Variants in ARHGAP32 observed in about 807,000 individuals in gnomAD.
ARHGAP32 encodes the protein Rho GTPase activating protein 32.
In ARHGAP32, 51 loss-of-function variants were observed where a neutral mutation model predicts 186.5. The observed-to-expected ratio is 0.27, with a 90% CI of 0.22 to 0.35. The LOEUF (loss-of-function observed/expected upper bound fraction) is 0.35. ARHGAP32 is among the 10% of genes least tolerant of loss of function. The pLI, the probability that ARHGAP32 is intolerant of heterozygous loss-of-function variation, is 1.00. For missense variants in ARHGAP32, 2,186 were observed against 2,623.5 expected (o/e 0.83, Z 3.64); for synonymous variants, 950 against 964.3 (o/e 0.99, Z 0.27).
chr11:129,271,729 AG>A (rs975447973), intron 1 of ARHGAP32, among the ~76,000 whole-genome samples: 2 of 152,218 alleles, frequency 1.3e-5, no homozygotes, highest in Admixed American at 1.3e-4. Context: ...AAAAGCATAT[AG>A]AAAATGAGAA....
intron 1 of ARHGAP32, among the ~76,000 whole-genome samples, chr11:129,228,808 G>C (rs368461289): frequency 1.3e-5 from 2 of 152,078 alleles, no homozygotes; most frequent in East Asian, 1.9e-4. Context: ...CATGGCATAC[G>C]TTTACCTACA....
rs913323436 is a variant in ARHGAP32 at position 128,967,287 on chromosome 11, C to T, written c.*1620G>A. 6.6e-6 allele frequency: 1 copy of T among 152,164 alleles called. No individual in the cohort carries two copies. Among genetic ancestry groups the T allele is most frequent in the Non-Finnish European group, 1.5e-5 (1 of 68,036 alleles). 9.4% of individuals were successfully genotyped at this position (152,164 alleles called of 1,614,324 possible). A position where few individuals can be genotyped will look rare whatever the true frequency, so the allele number is the denominator to read the frequency against. On this transcript the variant is annotated 3_prime_UTR_variant, in exon 23 of 23. Transcript: ENST00000682385. The stretch of plus-strand genomic sequence containing the variant: ...ATGATTTTAGCCTCTTAAAAGATTT[C>T]CTCCTTTGCTCTAAATAAAAATTAA...
At chr11:129,190,520 G>A (rs1944249877) in intron 1 of ARHGAP32, among the ~76,000 whole-genome samples, 1 of 152,188 alleles carries the variant, frequency 6.6e-6, no homozygotes, top group Non-Finnish European at 1.5e-5. Flanking sequence ...TTCTCAGAGT[G>A]AAAATGCTGT....
chr11:128,974,471 A>G lies in ARHGAP32; in HGVS notation c.2726T>C (p.Ile909Thr). The G allele has an allele frequency of 6.2e-7, 1 of 1,614,204 alleles. No homozygotes were observed. Among genetic ancestry groups the G allele is most frequent in the African/African-American group, 1.3e-5 (1 of 75,044 alleles). Residue 909 changes from isoleucine to threonine, a missense_variant, in exon 21 of 23, where the codon ATA becomes ACA. Physicochemically the swap from Ile to Thr is moderately conservative, Grantham distance 89. Coordinates refer to ENST00000682385, the MANE Select transcript of ARHGAP32 (RefSeq NM_001378024.1). ...AGGTGATTTGCTTAATTTCCGTCCT[A>G]TCTTCGGAGAGAAAGCATAGACGAC... Reference protein sequence around the residue: ...EKVVYAFSPKIGRKLSKSPSM... With the variant: ...EKVVYAFSPKTGRKLSKSPSM...
chr11:129,163,568 C>A (rs1215313440), intron 2 of ARHGAP32, among the ~76,000 whole-genome samples: 7 of 152,086 alleles, frequency 4.6e-5, no homozygotes. Context: ...TCATTGACAA[C>A]AGCTGTCTTT....
At chr11:129,125,577 C>T (rs140355222) in intron 2 of ARHGAP32, among the ~76,000 whole-genome samples, 143 of 151,742 alleles carry the variant, frequency 9.4e-4, no homozygotes, top group African/African-American at 3.3e-3. Flanking sequence ...TCAATAGGGG[C>T]GAATAATGTG....
chr11:129,015,682 T>C (rs780464130), intron 11 of ARHGAP32, among the ~76,000 whole-genome samples: 1 of 152,220 alleles, frequency 6.6e-6, no homozygotes, highest in Non-Finnish European at 1.5e-5. Flanking sequence ...AATGGAATCA[T>C]CTGATATCAA....
chr11:129,210,965 C>A (rs139166771), intron 1 of ARHGAP32, among the ~76,000 whole-genome samples: 16 of 152,286 alleles, frequency 1.1e-4, no homozygotes, highest in Admixed American at 9.8e-4. Context: ...ATTCATGCCA[C>A]TCTGTTGCTA....
At position 129,192,066 on chromosome 11, in the gene ARHGAP32, G is replaced by A. The variant is rs1944281734; in HGVS notation, c.116+17C>T. On this transcript the variant is annotated intron_variant, in intron 1 of 22. Coordinates refer to ENST00000682385, the MANE Select transcript of ARHGAP32 (RefSeq NM_001378024.1). The stretch of plus-strand genomic sequence containing the variant: ...AGGGAGTGGACAGGACAAAGGAACT[G>A]TGAATTCCATAATCACCTGAACTTC... The A allele has an allele frequency of 6.3e-7, 1 of 1,585,120 alleles. No individual in the cohort carries two copies. Among genetic ancestry groups the A allele is most frequent in the African/African-American group, 1.3e-5 (1 of 74,462 alleles).
chr11:129,221,695 G>C (rs949374698), intron 1 of ARHGAP32, among the ~76,000 whole-genome samples: 2 of 151,870 alleles, frequency 1.3e-5, no homozygotes, highest in Non-Finnish European at 2.9e-5. Flanking sequence ...CTTTCCGGAG[G>C]AGAGCCTCAA....
chr11:129,126,835 T>G (rs920388152), intron 2 of ARHGAP32, among the ~76,000 whole-genome samples: 38 of 152,118 alleles, frequency 2.5e-4, no homozygotes, highest in African/African-American at 8.9e-4. Flanking sequence ...GATCACCTGG[T>G]TTTGCCATTA....
chr11:129,129,061 G>A (rs1186753398), intron 2 of ARHGAP32, among the ~76,000 whole-genome samples: 2 of 152,010 alleles, frequency 1.3e-5, no homozygotes, highest in African/African-American at 4.8e-5. Flanking sequence ...GGGATGTGGG[G>A]AGCGCCTCTG....
chr11:129,152,418 A>G (rs1268374063), intron 2 of ARHGAP32, among the ~76,000 whole-genome samples: 1 of 152,136 alleles, frequency 6.6e-6, no homozygotes, highest in Non-Finnish European at 1.5e-5. Flanking sequence ...CAAAACCAGG[A>G]AAGGACATAA....
At chr11:129,190,244 C>A (rs899794110) in intron 1 of ARHGAP32, among the ~76,000 whole-genome samples, 9 of 152,218 alleles carry the variant, frequency 5.9e-5, no homozygotes, top group African/African-American at 2.2e-4. Flanking sequence ...TCCTGTAGGG[C>A]ATCTCGGCAG....
intron 1 of ARHGAP32, among the ~76,000 whole-genome samples, chr11:129,260,881 T>C (rs1280252575): frequency 6.6e-6 from 1 of 152,122 alleles, no homozygotes; most frequent in African/African-American, 2.4e-5. Context: ...AACTCCTACA[T>C]GAACACAAAC....
intron 1 of ARHGAP32, among the ~76,000 whole-genome samples, chr11:129,182,787 G>T (rs1038272390): frequency 2.0e-5 from 3 of 151,780 alleles, no homozygotes; most frequent in Non-Finnish European, 4.4e-5. Context: ...GGGACTACAG[G>T]CAGGTACCAC....
At chr11:128,982,000 C>G (rs1239294310) in intron 15 of ARHGAP32, 64 bp from the exon 16 acceptor site, 1 of 1,032,240 alleles carries the variant, frequency 9.7e-7, no homozygotes, top group South Asian at 1.7e-5. Flanking sequence ...AACATAAAAG[C>G]CTGCTAATTA....
intron 2 of ARHGAP32, among the ~76,000 whole-genome samples, chr11:129,151,491 T>G (rs1176247098): frequency 1.3e-5 from 2 of 152,092 alleles, no homozygotes; most frequent in African/African-American, 2.4e-5. Context: ...TCTATAAATT[T>G]AAGAAAAATC....
At chr11:129,033,064 T>C (rs911896454) in intron 11 of ARHGAP32, among the ~76,000 whole-genome samples, 2 of 152,226 alleles carry the variant, frequency 1.3e-5, no homozygotes, top group Admixed American at 1.3e-4. Flanking sequence ...TATCAGGACA[T>C]TCAATACTAT....
Sources: gnomAD v4.1 joint callset for allele counts (sites outside exome capture counted in the v4.1 genomes callset) on GRCh38, gnomAD v4.1.1 for gene constraint, MANE v1.5 for transcripts, NCBI Gene and HGNC (gene_info 2026-07-23, HGNC 2026-07-21) for gene names.